The following GRK5 variants were observed in gnomAD, a reference collection of about 807,000 sequenced individuals.
The protein encoded by GRK5 is g protein-coupled receptor kinase GRK5.
Under a neutral mutation model 78.4 loss-of-function variants are expected in GRK5, and 40 were observed. That is an observed-to-expected ratio of 0.51 (90% CI 0.40 to 0.66). GRK5 has a LOEUF of 0.66. GRK5 is among the 30% of genes least tolerant of loss of function. GRK5 has a pLI of 0.00. For synonymous variants in GRK5, 289 were observed against 296.8 expected, an observed-to-expected ratio of 0.97 and a Z score of 0.27; for missense variants, 598 against 759.9, an observed-to-expected ratio of 0.79 and a Z score of 2.50.
At chr10:119,396,851 G>T in intron 4 of GRK5, 79 bp downstream of exon 4, 2 of 1,056,628 alleles carry the variant, frequency 1.9e-6, no homozygotes, top group African/African-American at 1.6e-5. Context: ...TCTGTGCCAG[G>T]CCACATGGGG....
At chr10:119,258,141 C>A (rs760206147) in intron 1 of GRK5, among the ~76,000 whole-genome samples, 1 of 152,162 alleles carries the variant, frequency 6.6e-6, no homozygotes, top group Non-Finnish European at 1.5e-5. Flanking sequence ...CTAGCCCCAG[C>A]CCCTGGCAAC....
At chr10:119,387,001 A>G (rs1589778790) in intron 3 of GRK5, among the ~76,000 whole-genome samples, 1 of 151,148 alleles carries the variant, frequency 6.6e-6, no homozygotes, top group South Asian at 2.1e-4. Flanking sequence ...TCTCCTGCAC[A>G]GTATTTTTTT....
chr10:119,270,081 A>G (rs1236839231), intron 1 of GRK5, among the ~76,000 whole-genome samples: 1 of 151,992 alleles, frequency 6.6e-6, no homozygotes, highest in Non-Finnish European at 1.5e-5. Flanking sequence ...TTCACTGCTC[A>G]TTGGCATTCA....
Position 119,343,124 on chromosome 10 carries a change from G to A in GRK5, c.148+16513G>A, listed in dbSNP as rs564224193. 1.8e-4 allele frequency among the ~76,000 whole-genome samples: 27 copies of A among 152,286 alleles called. No individual in the cohort carries two copies. In the South Asian group the frequency reaches 3.9e-3, roughly 22 times the overall value. On this transcript the variant is annotated intron_variant, in intron 2 of 15. Coordinates refer to ENST00000392870, the MANE Select transcript of GRK5 (RefSeq NM_005308.3). ...TGGGAAGACAGCAGAAAGCCAACAC[G>A]TGACACTGGGTGACAGCCCTGTGCA...
At chr10:119,310,332 TC>T (rs1187955107) in intron 1 of GRK5, among the ~76,000 whole-genome samples, 1 of 152,228 alleles carries the variant, frequency 6.6e-6, no homozygotes, top group African/African-American at 2.4e-5. Flanking sequence ...GGAGCATTTC[TC>T]AGGTGTCCAC....
At chr10:119,297,452 G>C (rs1356050196) in intron 1 of GRK5, among the ~76,000 whole-genome samples, 1 of 152,172 alleles carries the variant, frequency 6.6e-6, no homozygotes, top group East Asian at 1.9e-4. Context: ...TCCTCCACCA[G>C]GCTGCTCTGG....
chr10:119,249,559 G>A (rs934509203), intron 1 of GRK5, among the ~76,000 whole-genome samples: 26 of 152,002 alleles, frequency 1.7e-4, no homozygotes, highest in African/African-American at 5.1e-4. Flanking sequence ...GTGCAATGGC[G>A]CGATCTCGGC....
intron 3 of GRK5, among the ~76,000 whole-genome samples, chr10:119,394,827 C>A (rs921332881): frequency 6.8e-6 from 1 of 147,162 alleles, no homozygotes; most frequent in Admixed American, 6.7e-5. Flanking sequence ...GTGTGTGTAT[C>A]TGTGTCTGTG....
At chr10:119,356,974 A>G (rs1851271293) in intron 2 of GRK5, among the ~76,000 whole-genome samples, 1 of 152,228 alleles carries the variant, frequency 6.6e-6, no homozygotes, top group Non-Finnish European at 1.5e-5. Flanking sequence ...GGCATTGTCA[A>G]AGAAGGCAGG....
chr10:119,225,974 G>A (rs551490678), intron 1 of GRK5, among the ~76,000 whole-genome samples: 8 of 151,242 alleles, frequency 5.3e-5, no homozygotes, highest in South Asian at 2.1e-4. Flanking sequence ...TCAGCCTCCC[G>A]TGTAGCTGGG....
At chr10:119,411,763 G>A (rs371909115) in intron 4 of GRK5, among the ~76,000 whole-genome samples, 6 of 151,008 alleles carry the variant, frequency 4.0e-5, no homozygotes, top group South Asian at 2.1e-4. Flanking sequence ...ACAAATAAAG[G>A]ACTACTCCGT....
intron 2 of GRK5, chr10:119,333,129 G>A (rs1424824353): frequency 6.6e-6 from 1 of 152,436 alleles, no homozygotes; most frequent in African/African-American, 2.4e-5. Context: ...GAATGAATGA[G>A]GTGAAATATT....
chr10:119,219,887 T>G (rs1848633363), intron 1 of GRK5, among the ~76,000 whole-genome samples: 1 of 152,176 alleles, frequency 6.6e-6, no homozygotes, highest in South Asian at 2.1e-4. Flanking sequence ...GAAGGTAACT[T>G]TCGATGTGAG....
Position 119,459,682 on chromosome 10 carries a change from G to T in GRK5, c.*4615G>T, listed in dbSNP as rs74157672. 1 of 152,166 alleles carries T rather than the reference G, an allele frequency of 6.6e-6. No individual in the cohort carries two copies. The highest frequency in any genetic ancestry group is 6.6e-5 in the Admixed American group (1 of 15,266). The allele number at this position is 152,166 out of a possible 1,614,324, so 9.4% of individuals were successfully genotyped here. On this transcript the variant is annotated 3_prime_UTR_variant, in exon 16 of 16. Transcript: ENST00000392870. ...GTTCCGTCTATCGCGTCACAGTGCC[G>T]CTGGATCTAGATGGAGCCACTGTTG...
chr10:119,429,437 G>A (rs1852772859), intron 6 of GRK5, among the ~76,000 whole-genome samples: 1 of 151,568 alleles, frequency 6.6e-6, no homozygotes, highest in African/African-American at 2.4e-5. Flanking sequence ...GTCTTGGAGA[G>A]CCAAGAGCCA....
At chr10:119,327,099 G>A (rs1360739787) in intron 2 of GRK5, among the ~76,000 whole-genome samples, 1 of 152,118 alleles carries the variant, frequency 6.6e-6, no homozygotes, top group Admixed American at 6.5e-5. Flanking sequence ...GTGGGGTGGG[G>A]GATGTGGGGT....
At chr10:119,320,096 C>G (rs1850557815) in intron 1 of GRK5, among the ~76,000 whole-genome samples, 1 of 152,232 alleles carries the variant, frequency 6.6e-6, no homozygotes, top group Admixed American at 6.5e-5. Flanking sequence ...GAAGAACAAG[C>G]ATTCCTGGCA....
At chr10:119,324,700 G>T (rs1850644488) in intron 1 of GRK5, among the ~76,000 whole-genome samples, 1 of 152,228 alleles carries the variant, frequency 6.6e-6, no homozygotes, top group Non-Finnish European at 1.5e-5. Flanking sequence ...GCTTGGCCCC[G>T]GGCAGGGCCA....
Position 119,366,731 on chromosome 10 carries a change from T to TG in GRK5, c.149-14083dup, listed in dbSNP as rs200347203. Among the ~76,000 whole-genome samples the TG allele has an allele frequency of 5.2e-3, 798 of 152,266 alleles. 2 individuals carry two copies. Among genetic ancestry groups the TG allele is most frequent in the South Asian group, 0.038 (182 of 4,820 alleles). On this transcript the variant is annotated intron_variant, in intron 2 of 15. Transcript: ENST00000392870. ...CATTGGTACATCTAGGTGACAGGGG[T>TG]GCCTCCTCCCCACCGTGGACCCCTA...
Sources: allele counts gnomAD v4.1 joint callset (sites outside exome capture counted in the v4.1 genomes callset), GRCh38; gene constraint gnomAD v4.1.1; transcripts MANE v1.5; gene names NCBI Gene and HGNC (gene_info 2026-07-23, HGNC 2026-07-21).